The following NME7 variants were observed in gnomAD, a reference collection of about 807,000 sequenced individuals.
NME7 encodes the protein nucleoside diphosphate kinase 7.
NME7 carries 41 observed loss-of-function variants against 49.1 expected under a neutral mutation model. The observed-to-expected ratio is 0.83, with a 90% confidence interval of 0.65 to 1.08. NME7 has a LOEUF of 1.08. NME7 is among the 50% of genes least tolerant of loss of function. NME7 has a pLI of 0.00. For missense variants in NME7, 423 were observed against 463.4 expected (o/e 0.91, Z 0.80); for synonymous variants, 139 against 150.6 (o/e 0.92, Z 0.56).
intron 10 of NME7, among the ~76,000 whole-genome samples, chr1:169,191,923 C>A (rs1660242465): frequency 6.6e-6 from 1 of 152,140 alleles, no homozygotes; most frequent in African/African-American, 2.4e-5. Flanking sequence ...CATCACATCA[C>A]ATGGGAGTCT....
At chr1:169,225,630 A>G (rs1647299238) in intron 10 of NME7, among the ~76,000 whole-genome samples, 1 of 152,138 alleles carries the variant, frequency 6.6e-6, no homozygotes, top group African/African-American at 2.4e-5. Flanking sequence ...TTTTATTAAA[A>G]CTTAATCTCA....
intron 2 of NME7, among the ~76,000 whole-genome samples, chr1:169,323,925 C>T (rs887895423): frequency 5.5e-5 from 8 of 146,080 alleles, no homozygotes; most frequent in South Asian, 2.1e-4. Context: ...GTGATCTCAG[C>T]TCACTGCCAC....
chr1:169,347,993 C>A (rs1222495653), intron 1 of NME7, among the ~76,000 whole-genome samples: 1 of 152,156 alleles, frequency 6.6e-6, no homozygotes, highest in Non-Finnish European at 1.5e-5. Context: ...TACTACTATT[C>A]TGCATTAGCT....
intron 1 of NME7, among the ~76,000 whole-genome samples, chr1:169,328,662 T>C (rs1249305406): frequency 6.6e-6 from 1 of 152,192 alleles, no homozygotes; most frequent in Non-Finnish European, 1.5e-5. Flanking sequence ...CTAGGTAAAT[T>C]TTTTTGTAAA....
At chr1:169,355,478 C>G (rs952656458) in intron 1 of NME7, among the ~76,000 whole-genome samples, 57 of 149,156 alleles carry the variant, frequency 3.8e-4, no homozygotes, top group African/African-American at 1.2e-3. Context: ...ATGATCTGGT[C>G]TCAGGCTACC....
intron 11 of NME7, 95 bp downstream of exon 11, chr1:169,169,352 T>C (rs1479082749): frequency 2.8e-6 from 3 of 1,072,558 alleles, no homozygotes; most frequent in Admixed American, 2.0e-5. Flanking sequence ...ACTTGAAGTA[T>C]AACAATAAAA....
At chr1:169,228,569 C>T (rs962141290) in intron 10 of NME7, among the ~76,000 whole-genome samples, 141 of 149,672 alleles carry the variant, frequency 9.4e-4, no homozygotes, top group African/African-American at 3.2e-3. Context: ...CCCAGCTACT[C>T]GGGAGGCTGA....
intron 1 of NME7, among the ~76,000 whole-genome samples, chr1:169,330,035 T>C (rs907719937): frequency 2.0e-5 from 3 of 152,130 alleles, no homozygotes; most frequent in African/African-American, 4.8e-5. Context: ...AGAGTGTCAT[T>C]ACATATTTAA....
At chr1:169,349,004 A>G (rs72702145) in intron 1 of NME7, among the ~76,000 whole-genome samples, 3,505 of 151,954 alleles carry the variant, frequency 0.023, 56 homozygotes, top group Middle Eastern at 0.048. Flanking sequence ...TTTCTAGCGT[A>G]TAATCTTGGG....
At chr1:169,193,135 A>AC (rs1660281097) in intron 10 of NME7, among the ~76,000 whole-genome samples, 1 of 152,072 alleles carries the variant, frequency 6.6e-6, no homozygotes, top group African/African-American at 2.4e-5. Context: ...ATACAGTGAG[A>AC]CCCCATCTCC....
chr1:169,305,924 C>A (rs749768253), intron 4 of NME7, among the ~76,000 whole-genome samples: 5 of 152,150 alleles, frequency 3.3e-5, no homozygotes, highest in South Asian at 4.1e-4. Flanking sequence ...TGGATGAAAT[C>A]TCAAGCTCAA....
chr1:169,295,755 A>C (rs1246156063), intron 6 of NME7, among the ~76,000 whole-genome samples: 2 of 152,130 alleles, frequency 1.3e-5, no homozygotes, highest in African/African-American at 4.8e-5. Context: ...TCAGTATAGC[A>C]ATCACACACC....
At chr1:169,313,207 G>GA (rs35862763) in intron 3 of NME7, among the ~76,000 whole-genome samples, 33,528 of 125,942 alleles carry the variant, frequency 0.27, 4,762 homozygotes, top group Non-Finnish European at 0.37. Context: ...GGACAAAAGT[G>GA]AAAAAAAAAA....
chr1:169,225,266 G>A (rs563828389), intron 10 of NME7, among the ~76,000 whole-genome samples: 56 of 152,204 alleles, frequency 3.7e-4, no homozygotes, highest in African/African-American at 1.3e-3. Flanking sequence ...CCGCCACCAT[G>A]CCTGGCTAAT....
chr1:169,218,659 A>ATTTTTTTT (rs34342694), intron 10 of NME7, among the ~76,000 whole-genome samples: 1 of 118,176 alleles, frequency 8.5e-6, no homozygotes, highest in African/African-American at 3.3e-5. Context: ...CCAATTTTGA[A>ATTTTTTTT]TTTTTTTTTT....
At chr1:169,258,397 T>TACAC (rs1362892334) in intron 7 of NME7, among the ~76,000 whole-genome samples, 9 of 82,616 alleles carry the variant, frequency 1.1e-4, no homozygotes, top group African/African-American at 4.1e-4. Context: ...TATATATATA[T>TACAC]ATATATATAC....
intron 7 of NME7, among the ~76,000 whole-genome samples, chr1:169,278,893 C>G (rs1233095211): frequency 1.3e-5 from 2 of 152,130 alleles, no homozygotes; most frequent in Admixed American, 6.5e-5. Flanking sequence ...TGTTAGTTTT[C>G]CTTCTAACAG....
At chr1:169,342,769 CAAGTACATATATATATAGTATAT>C (rs1652791071) in intron 1 of NME7, among the ~76,000 whole-genome samples, 15 of 29,760 alleles carry the variant, frequency 5.0e-4, no homozygotes, top group African/African-American at 2.0e-3. Flanking sequence ...TATATATATA[CAAGTACATATATATATAGTATAT>C]ATATATACAA....
chr1:169,229,191 C>A (rs1291530233), intron 10 of NME7, among the ~76,000 whole-genome samples: 1 of 152,218 alleles, frequency 6.6e-6, no homozygotes, highest in Non-Finnish European at 1.5e-5. Flanking sequence ...TCACACCCAT[C>A]TCTACCAGAA....
Sources: gnomAD v4.1 joint callset for allele counts (sites outside exome capture counted in the v4.1 genomes callset) on GRCh38, gnomAD v4.1.1 for gene constraint, MANE v1.5 for transcripts, NCBI Gene and HGNC (gene_info 2026-07-23, HGNC 2026-07-21) for gene names.